AFAP1L2: variants seen among roughly 807,000 people sequenced by gnomAD.
AFAP1L2 encodes the protein actin filament associated protein 1 like 2.
In AFAP1L2, 46 loss-of-function variants were observed where a neutral mutation model predicts 99.3. The observed-to-expected ratio is 0.46, with a 90% CI of 0.37 to 0.59. The LOEUF (loss-of-function observed/expected upper bound fraction) is 0.59, where lower values mean the gene tolerates loss of function less well. AFAP1L2 is among the 20% of genes least tolerant of loss of function. AFAP1L2 has a pLI of 0.00. For synonymous variants in AFAP1L2, 397 were observed against 419.1 expected, an observed-to-expected ratio of 0.95 and a Z score of 0.64; for missense variants, 959 against 1,034.9, an observed-to-expected ratio of 0.93 and a Z score of 1.01.
At chr10:114,282,424 C>A in the AFAP1L2 span, 2 of 1,017,144 alleles carry the variant, frequency 2.0e-6, no homozygotes, top group Non-Finnish European at 3.1e-6. Flanking sequence ...TTGGAATCTT[C>A]TATCAGCTTT....
the AFAP1L2 span, among the ~76,000 whole-genome samples, chr10:114,283,205 T>C: frequency 1.3e-5 from 2 of 152,080 alleles, no homozygotes; most frequent in Non-Finnish European, 2.9e-5. Context: ...GATTTGTTAC[T>C]CCCGATGAGT....
intron 2 of AFAP1L2, among the ~76,000 whole-genome samples, chr10:114,339,433 C>T (rs1485601498): frequency 1.3e-5 from 2 of 152,088 alleles, no homozygotes; most frequent in South Asian, 2.1e-4. Flanking sequence ...GGCGACAGAA[C>T]GAGACTCCGT....
rs140612002 is a variant in AFAP1L2 at position 114,345,324 on chromosome 10, G to A, written c.17-4593C>T. On this transcript the variant is annotated intron_variant, in intron 1 of 18. Coordinates refer to ENST00000304129, the MANE Select transcript of AFAP1L2 (RefSeq NM_001001936.3). ...GAGGGCTTTATTATTCTGCTCAGAA[G>A]TTGGTGCCTTATTCTGCAGGGTCAT... Among the ~76,000 whole-genome samples the A allele has an allele frequency of 6.4e-4, 98 of 152,282 alleles. 1 individual carries two copies. Among genetic ancestry groups the A allele is most frequent in the African/African-American group, 2.2e-3 (93 of 41,542 alleles).
intron 1 of AFAP1L2, among the ~76,000 whole-genome samples, chr10:114,376,272 T>C (rs1439347719): frequency 1.3e-5 from 2 of 152,210 alleles, no homozygotes; most frequent in South Asian, 2.1e-4. Flanking sequence ...GCATTAACTA[T>C]GACCAGACCT....
chr10:114,400,318 C>T (rs2058108191), intron 1 of AFAP1L2, among the ~76,000 whole-genome samples: 1 of 152,140 alleles, frequency 6.6e-6, no homozygotes, highest in East Asian at 1.9e-4. Flanking sequence ...AAGCAGAATT[C>T]CCCCACTCTG....
At chr10:114,292,150 G>T (rs1242641803), downstream of AFAP1L2, among the ~76,000 whole-genome samples, 1 of 152,042 alleles carries the variant, frequency 6.6e-6, no homozygotes, top group African/African-American at 2.4e-5. Flanking sequence ...GGTGGTGGAT[G>T]CCTATAATCC....
At chr10:114,399,758 A>C (rs2058067410) in intron 1 of AFAP1L2, among the ~76,000 whole-genome samples, 1 of 152,154 alleles carries the variant, frequency 6.6e-6, no homozygotes, top group Admixed American at 6.5e-5. Flanking sequence ...TCTCAACAGG[A>C]AATTGGTTTT....
intron 2 of AFAP1L2, among the ~76,000 whole-genome samples, chr10:114,334,674 T>C (rs1397551077): frequency 1.3e-5 from 2 of 152,244 alleles, no homozygotes; most frequent in African/African-American, 2.4e-5. Flanking sequence ...CAGCAGTTTA[T>C]GCAGTTGATG....
intron 1 of AFAP1L2, among the ~76,000 whole-genome samples, chr10:114,379,109 A>T (rs571194391): frequency 2.0e-5 from 3 of 152,130 alleles, no homozygotes; most frequent in African/African-American, 7.2e-5. Flanking sequence ...GCTACTCAGG[A>T]GGCTGAGGCA....
intron 1 of AFAP1L2, among the ~76,000 whole-genome samples, chr10:114,373,780 C>T (rs1280223282): frequency 1.3e-5 from 2 of 152,170 alleles, no homozygotes; most frequent in Admixed American, 1.3e-4. Flanking sequence ...AGGCCACGGC[C>T]CCAGAGCTCC....
At chr10:114,320,863 G>A (rs1487524458) in intron 5 of AFAP1L2, among the ~76,000 whole-genome samples, 1 of 152,156 alleles carries the variant, frequency 6.6e-6, no homozygotes, top group Non-Finnish European at 1.5e-5. Flanking sequence ...CCTTCAACGC[G>A]CATCCAGACA....
chr10:114,358,679 C>G (rs1221385432), intron 1 of AFAP1L2, among the ~76,000 whole-genome samples: 1 of 152,108 alleles, frequency 6.6e-6, no homozygotes, highest in Admixed American at 6.5e-5. Context: ...CTTTGGGAGC[C>G]TGAGGTGGGT....
intron 1 of AFAP1L2, among the ~76,000 whole-genome samples, chr10:114,401,371 G>C (rs2058216730): frequency 6.6e-6 from 1 of 152,100 alleles, no homozygotes; most frequent in African/African-American, 2.4e-5. Flanking sequence ...GACCACACTG[G>C]GTGAGTTCAG....
At chr10:114,333,897 A>G (rs965663088) in intron 2 of AFAP1L2, among the ~76,000 whole-genome samples, 3 of 152,188 alleles carry the variant, frequency 2.0e-5, no homozygotes, top group African/African-American at 7.2e-5. Context: ...TGGGCTTCCT[A>G]GCATTTCATT....
At position 114,300,521 on chromosome 10, in the gene AFAP1L2, G is replaced by T; in HGVS notation, c.1712C>A (p.Ala571Asp). The T allele has an allele frequency of 6.2e-7, 1 of 1,614,136 alleles. No individual in the cohort carries two copies. The highest frequency in any genetic ancestry group is 8.5e-7 in the Non-Finnish European group (1 of 1,180,018). ...TLSCLDNATE[A>D]LPADSGPGPT... ...ACCTGGGCCTGAGTCTGCCGGGAGG[G>T]CCTCAGTTGCATTGTCCAGGCAGGA... The change falls in exon 14 of 19, where the codon GCC becomes GAC. Residue 571 changes from alanine (A) to aspartate (D), a missense_variant. Coordinates refer to ENST00000304129, the MANE Select transcript of AFAP1L2 (RefSeq NM_001001936.3).
rs527458662 is a variant in AFAP1L2, at chr10:114,315,674, C to A, written c.498G>T (p.Pro166=). The change falls in exon 6 of 19, where the codon CCG becomes CCT. Residue 166 remains proline, a synonymous_variant. Coordinates refer to ENST00000304129, the MANE Select transcript of AFAP1L2 (RefSeq NM_001001936.3). ...CACGCATCAGCTCGATGCCGGCCTC[C>A]GGCGAGGGCCACTGGTAAGGGGCCG... is the stretch of plus-strand genomic sequence containing the variant. ...GKSAPYQWPS[P]EAGIELMRDA... 1 of 1,613,832 alleles carries A rather than the reference C, an allele frequency of 6.2e-7. No homozygotes were observed. The highest frequency in any genetic ancestry group is 1.7e-5 in the Admixed American group (1 of 60,012).
At chr10:114,389,436 A>G (rs1174776964) in intron 1 of AFAP1L2, among the ~76,000 whole-genome samples, 12 of 152,194 alleles carry the variant, frequency 7.9e-5, no homozygotes, top group Admixed American at 7.9e-4. Flanking sequence ...GAGGAGCAAA[A>G]TGAACCCCCT....
In AFAP1L2 at chr10:114,373,486, G is replaced by A. The variant is rs10437459; in HGVS notation, c.16+30954C>T. Among the ~76,000 whole-genome samples, 945 of 152,100 alleles carry A rather than the reference G, an allele frequency of 6.2e-3. 11 individuals carry two copies. Among genetic ancestry groups the A allele is most frequent in the African/African-American group, 0.022 (892 of 41,478 alleles). The stretch of plus-strand genomic sequence containing the variant: ...CTAAAAATACAAAAATTAGCTGGGC[G>A]TGGTGGTGCATGCCTGTAATCCCAG... On this transcript the variant is annotated intron_variant, in intron 1 of 18. Coordinates refer to ENST00000304129, the MANE Select transcript of AFAP1L2 (RefSeq NM_001001936.3).
At chr10:114,303,141 TATA>T (rs1346976744) in intron 11 of AFAP1L2, among the ~76,000 whole-genome samples, 3 of 152,164 alleles carry the variant, frequency 2.0e-5, no homozygotes, top group East Asian at 3.9e-4. Context: ...TTCTTACCTT[TATA>T]ATGAGAAAAA....
Sources: allele counts gnomAD v4.1 joint callset (sites outside exome capture counted in the v4.1 genomes callset), GRCh38; gene constraint gnomAD v4.1.1; transcripts MANE v1.5; gene names NCBI Gene and HGNC (gene_info 2026-07-23, HGNC 2026-07-21).